Variants in FAM193A observed in about 807,000 individuals in gnomAD.
FAM193A encodes protein FAM193A.
In FAM193A, 22 loss-of-function variants were observed where a neutral mutation model predicts 126.5. That is an observed-to-expected ratio of 0.17 (90% CI 0.12 to 0.25). The LOEUF (loss-of-function observed/expected upper bound fraction) is 0.25. Ranked by LOEUF, FAM193A falls within the 10% of genes least tolerant of loss-of-function variation. The pLI, the probability that FAM193A is intolerant of heterozygous loss-of-function variation, is 1.00. For missense variants in FAM193A, 1,675 were observed against 1,672.8 expected, an observed-to-expected ratio of 1.00 and a Z score of -0.02; for synonymous variants, 761 against 646.8, an observed-to-expected ratio of 1.18 and a Z score of -2.68.
In FAM193A at chr4:2,731,972, G is replaced by A; in HGVS notation, c.*104G>A. On this transcript the variant is annotated 3_prime_UTR_variant, in exon 21 of 21. Coordinates refer to ENST00000637812, the MANE Select transcript of FAM193A (RefSeq NM_001366318.2). ...CCCAGAGCCGTGGTGCTTGCCAAGG[G>A]CTGTGCGGAGCTGGTGCTGCCTGAA... The A allele has an allele frequency of 2.3e-6, 2 of 863,756 alleles. No homozygotes were observed. Among genetic ancestry groups the A allele is most frequent in the South Asian group, 1.4e-5 (1 of 73,110 alleles). The allele number at this position is 863,756 out of a possible 1,614,324, so 53.5% of individuals were successfully genotyped here. A position where few individuals can be genotyped will look rare whatever the true frequency, so the allele number is the denominator to read the frequency against.
At chr4:2,727,011 A>G (rs892602332) in intron 20 of FAM193A, among the ~76,000 whole-genome samples, 3 of 150,922 alleles carry the variant, frequency 2.0e-5, no homozygotes, top group African/African-American at 4.9e-5. Context: ...CTGTAATCCC[A>G]CTACTTTGGG....
intron 2 of FAM193A, among the ~76,000 whole-genome samples, chr4:2,622,558 T>C (rs941488960): frequency 6.6e-6 from 1 of 152,132 alleles, no homozygotes; most frequent in Non-Finnish European, 1.5e-5. Context: ...GGGGTGCTGC[T>C]TTAGCATGCT....
At chr4:2,569,985 C>G (rs1276491811) in intron 1 of FAM193A, among the ~76,000 whole-genome samples, 1 of 152,044 alleles carries the variant, frequency 6.6e-6, no homozygotes, top group Non-Finnish European at 1.5e-5. Context: ...TTCAGATGCT[C>G]TTGAAGTTTG....
intron 1 of FAM193A, among the ~76,000 whole-genome samples, chr4:2,564,071 C>T (rs1018857139): frequency 1.3e-5 from 2 of 152,010 alleles, no homozygotes; most frequent in African/African-American, 4.8e-5. Flanking sequence ...TAGCATATGG[C>T]ATTTAAAATT....
chr4:2,650,733 G>C (rs1355553772), intron 7 of FAM193A, among the ~76,000 whole-genome samples: 2 of 152,168 alleles, frequency 1.3e-5, no homozygotes, highest in African/African-American at 4.8e-5. Flanking sequence ...TATTGCATTA[G>C]GTCATTGAAA....
chr4:2,545,310 AGAACAAGAATTTT>A (rs1737479708), intron 1 of FAM193A, among the ~76,000 whole-genome samples: 2 of 152,310 alleles, frequency 1.3e-5, no homozygotes, highest in South Asian at 2.1e-4. Context: ...TGAATTTCAT[AGAACAAGAATTTT>A]TGTGCTAGGG....
At chr4:2,541,719 C>T (rs1418516177) in intron 1 of FAM193A, among the ~76,000 whole-genome samples, 4 of 152,086 alleles carry the variant, frequency 2.6e-5, no homozygotes, top group Non-Finnish European at 5.9e-5. Flanking sequence ...GCTGGGATTA[C>T]GGGTGTGACC....
intron 20 of FAM193A, among the ~76,000 whole-genome samples, chr4:2,721,880 G>T (rs1007754122): frequency 6.6e-6 from 1 of 152,222 alleles, no homozygotes; most frequent in African/African-American, 2.4e-5. Context: ...ACTGCCATGT[G>T]TTCATACCGC....
chr4:2,680,318 G>A (rs191452274), intron 13 of FAM193A, among the ~76,000 whole-genome samples: 32 of 152,126 alleles, frequency 2.1e-4, no homozygotes, highest in South Asian at 6.2e-4. Context: ...ACAGTTGTTC[G>A]TAATACTTTC....
At chr4:2,638,584 A>T (rs1744316332) in intron 5 of FAM193A, among the ~76,000 whole-genome samples, 1 of 152,226 alleles carries the variant, frequency 6.6e-6, no homozygotes, top group African/African-American at 2.4e-5. Flanking sequence ...GATGGCATAG[A>T]TTCATTGCTG....
intron 1 of FAM193A, among the ~76,000 whole-genome samples, chr4:2,547,365 C>T (rs1553884151): frequency 1.3e-5 from 2 of 152,064 alleles, no homozygotes; most frequent in Non-Finnish European, 1.5e-5. Context: ...TGCACTCCAG[C>T]CTGGGCAACA....
rs371805857 is a variant in FAM193A, at chr4:2,700,309, C to A, written c.4137C>A (p.Asp1379Glu). The A allele has an allele frequency of 1.2e-6, 2 of 1,613,894 alleles. No individual in the cohort carries two copies. The highest frequency in any genetic ancestry group is 1.7e-6 in the Non-Finnish European group (2 of 1,180,004). ...CTGAGTCAAAGGCTAAGGTGGTCGA[C>A]CTCATGTCCATCACAGAGCAGAAAA... ...AQTESKAKVV[D>E]LMSITEQKRE... is the part of the protein sequence containing the mutation. Residue 1379 changes from aspartate (D) to glutamate (E), a missense_variant, in exon 19 of 21, where the codon GAC becomes GAA. Physicochemically the swap from Asp to Glu is conservative, Grantham distance 45. This residue lies in a region of FAM193A where 415 missense variants were observed against 396.7 expected (regional missense o/e 1.05). Coordinates refer to ENST00000637812, the MANE Select transcript of FAM193A (RefSeq NM_001366318.2).
chr4:2,665,081 C>T (rs1417159431), intron 12 of FAM193A, among the ~76,000 whole-genome samples: 1 of 152,136 alleles, frequency 6.6e-6, no homozygotes, highest in Non-Finnish European at 1.5e-5. Flanking sequence ...AGAATGCAAT[C>T]CTAACAAAAT....
At chr4:2,717,037 T>C (rs919223206) in intron 20 of FAM193A, among the ~76,000 whole-genome samples, 5 of 151,866 alleles carry the variant, frequency 3.3e-5, no homozygotes, top group African/African-American at 1.2e-4. Flanking sequence ...TAGAGTGCAA[T>C]GTTGTGATCT....
intron 2 of FAM193A, 112 bp downstream of exon 2, chr4:2,596,441 C>A: frequency 3.2e-6 from 2 of 632,222 alleles, no homozygotes; most frequent in Admixed American, 4.7e-5. Context: ...GGCACTCCCT[C>A]CTGCACCACC....
intron 13 of FAM193A, among the ~76,000 whole-genome samples, chr4:2,674,452 C>T (rs1158858325): frequency 6.6e-6 from 1 of 152,176 alleles, no homozygotes; most frequent in African/African-American, 2.4e-5. Context: ...AGATAATCAA[C>T]AGCAGGATTG....
rs71178487 is a variant in FAM193A, at chr4:2,602,959, C to CTTTTTTTTT, written c.501+6649_501+6657dup. On this transcript the variant is annotated intron_variant, in intron 2 of 20. Coordinates refer to ENST00000637812, the MANE Select transcript of FAM193A (RefSeq NM_001366318.2). ...ACAAGTGTGAGCCACTGCACCCGGCCTTTTTTTTTTTTTTTTTTTTTTTTT... is the reference window on the plus strand; with the variant it reads ...ACAAGTGTGAGCCACTGCACCCGGCCTTTTTTTTTTTTTTTTTTTTTTTTTTTTTTTTTT... 6.1e-4 allele frequency among the ~76,000 whole-genome samples: 26 copies of CTTTTTTTTT among 42,306 alleles called. 4 individuals are homozygous for CTTTTTTTTT. Among genetic ancestry groups the CTTTTTTTTT allele is most frequent in the African/African-American group, 2.6e-3 (23 of 8,684 alleles). The allele number at this position is 42,306 out of a possible 152,430, so 27.8% of individuals were successfully genotyped here. A position where few individuals can be genotyped will look rare whatever the true frequency, so the allele number is the denominator to read the frequency against.
chr4:2,642,521 T>A (rs1028158683), intron 6 of FAM193A, among the ~76,000 whole-genome samples: 7 of 152,080 alleles, frequency 4.6e-5, no homozygotes, highest in African/African-American at 1.7e-4. Flanking sequence ...ATCTGGAATG[T>A]GGAGTAGGCT....
At chr4:2,614,187 A>G (rs1013625731) in intron 2 of FAM193A, among the ~76,000 whole-genome samples, 2 of 152,246 alleles carry the variant, frequency 1.3e-5, no homozygotes, top group South Asian at 4.2e-4. Flanking sequence ...AGTTTTTCCA[A>G]TGTGAGATTG....
Sources: gnomAD v4.1 joint callset for allele counts (sites outside exome capture counted in the v4.1 genomes callset) on GRCh38, gnomAD v4.1.1 for gene constraint, gnomAD v4.1.1 regional missense constraint, MANE v1.5 for transcripts, NCBI Gene and HGNC (gene_info 2026-07-23, HGNC 2026-07-21) for gene names.